GRB10: variants seen among roughly 807,000 people sequenced by gnomAD.
GRB10 encodes growth factor receptor bound protein 10, also known as growth factor receptor-bound protein 10.
Under a neutral mutation model 80.9 loss-of-function variants are expected in GRB10, and 20 were observed. The ratio of observed to expected loss-of-function variants is 0.25; its 90% CI spans 0.17 to 0.36. The LOEUF is 0.36. Among genes scored for constraint, GRB10 ranks in the 10% least tolerant of loss-of-function variants. The probability of loss-of-function intolerance (pLI) is 1.00; values close to 1 mark genes in which losing one functional copy is unlikely to be tolerated. For missense variants in GRB10, 548 were observed against 747.7 expected, an observed-to-expected ratio of 0.73 and a Z score of 3.12; for synonymous variants, 291 against 291.5, an observed-to-expected ratio of 1.00 and a Z score of 0.02.
chr7:50,773,527 G>T (rs1252201551), intron 2 of GRB10, among the ~76,000 whole-genome samples: 3 of 148,566 alleles, frequency 2.0e-5, no homozygotes, highest in Non-Finnish European at 4.5e-5. Context: ...GGAGAGGAGA[G>T]GACAGGAAAC....
At chr7:50,740,751 C>A (rs1470652907) in intron 3 of GRB10, among the ~76,000 whole-genome samples, 2 of 150,824 alleles carry the variant, frequency 1.3e-5, no homozygotes, top group East Asian at 3.9e-4. Context: ...CAATTTGCAA[C>A]AGAAGAGAGA....
upstream of GRB10, among the ~76,000 whole-genome samples, chr7:50,787,784 C>T (rs2078755406): frequency 6.6e-6 from 1 of 152,236 alleles, no homozygotes. Flanking sequence ...CTGTGAGATG[C>T]ACGTGATTTT....
chr7:50,666,815 C>T (rs938468069), intron 7 of GRB10, among the ~76,000 whole-genome samples: 3 of 151,908 alleles, frequency 2.0e-5, no homozygotes, highest in East Asian at 1.9e-4. Context: ...CCGAGGTGGG[C>T]GGATCACAAG....
chr7:50,645,770 AGAT>A (rs1489624726), intron 7 of GRB10: 2 of 283,140 alleles, frequency 7.1e-6, no homozygotes, highest in Non-Finnish European at 1.1e-5. Context: ...TCAAAGTGAT[AGAT>A]TGCCTGGACA....
At chr7:50,730,075 A>T (rs1587598714) in intron 4 of GRB10, among the ~76,000 whole-genome samples, 1 of 152,178 alleles carries the variant, frequency 6.6e-6, no homozygotes, top group African/African-American at 2.4e-5. Context: ...TCGGTATGGA[A>T]ACTGCGGTAG....
chr7:50,649,173 TC>T (rs2057667450), intron 7 of GRB10, among the ~76,000 whole-genome samples: 1 of 151,986 alleles, frequency 6.6e-6, no homozygotes, highest in African/African-American at 2.4e-5. Flanking sequence ...AGAGACCCTG[TC>T]CCTGTTCTGG....
chr7:50,620,127 C>T (rs911458958), intron 8 of GRB10, among the ~76,000 whole-genome samples: 6 of 152,172 alleles, frequency 3.9e-5, no homozygotes, highest in African/African-American at 1.4e-4. Flanking sequence ...TACGTCCCTT[C>T]CCAGGCACCT....
chr7:50,728,503 T>C (rs2069047775), intron 4 of GRB10, among the ~76,000 whole-genome samples: 1 of 152,072 alleles, frequency 6.6e-6, no homozygotes, highest in African/African-American at 2.4e-5. Flanking sequence ...GATGAGCTGA[T>C]ACAAGGAGGC....
intron 4 of GRB10, chr7:50,710,827 G>C (rs760041347): frequency 6.3e-7 from 1 of 1,592,948 alleles, no homozygotes; most frequent in African/African-American, 1.3e-5. Context: ...TAAAGGGCTT[G>C]CCCAGCAACT....
chr7:50,720,086 C>A (rs978101638), intron 4 of GRB10, among the ~76,000 whole-genome samples: 1 of 152,126 alleles, frequency 6.6e-6, no homozygotes, highest in African/African-American at 2.4e-5. Context: ...TAAAGAAACA[C>A]GGTTTCCTAC....
At chr7:50,657,950 C>A (rs2058813886) in intron 7 of GRB10, among the ~76,000 whole-genome samples, 1 of 151,952 alleles carries the variant, frequency 6.6e-6, no homozygotes, top group African/African-American at 2.4e-5. Flanking sequence ...AGTTAAGAGA[C>A]TGAGGCGAGA....
intron 5 of GRB10, among the ~76,000 whole-genome samples, chr7:50,691,740 AGAT>A (rs1252894821): frequency 2.0e-5 from 3 of 152,256 alleles, no homozygotes; most frequent in Non-Finnish European, 4.4e-5. Flanking sequence ...AAAGGATTAT[AGAT>A]GATTTTTCTC....
intron 2 of GRB10, chr7:50,762,086 G>C (rs977895034): frequency 2.0e-5 from 3 of 151,872 alleles, no homozygotes; most frequent in African/African-American, 4.8e-5. Context: ...CTTTGTAGTA[G>C]TGCAAGAACA....
intron 4 of GRB10, among the ~76,000 whole-genome samples, chr7:50,723,838 C>T (rs1056893082): frequency 6.6e-6 from 1 of 152,190 alleles, no homozygotes; most frequent in African/African-American, 2.4e-5. Context: ...GGAGAAAAGA[C>T]TAGAACAGCT....
At chr7:50,734,222 C>G (rs1354983333) in intron 3 of GRB10, among the ~76,000 whole-genome samples, 1 of 152,178 alleles carries the variant, frequency 6.6e-6, no homozygotes, top group Non-Finnish European at 1.5e-5. Context: ...CAGGCGGCCT[C>G]TGCCTTCCAC....
At chr7:50,750,596 C>A (rs1414242990) in intron 3 of GRB10, among the ~76,000 whole-genome samples, 1 of 152,202 alleles carries the variant, frequency 6.6e-6, no homozygotes, top group Admixed American at 6.5e-5. Context: ...TCCCACAATT[C>A]CAATAACCAA....
intron 4 of GRB10, among the ~76,000 whole-genome samples, chr7:50,721,057 C>A (rs1587460396): frequency 6.6e-6 from 1 of 152,218 alleles, no homozygotes; most frequent in Non-Finnish European, 1.5e-5. Flanking sequence ...AACATGAACA[C>A]CACATACAGT....
At chr7:50,634,989 A>G (rs1376456239) in intron 7 of GRB10, among the ~76,000 whole-genome samples, 1 of 152,260 alleles carries the variant, frequency 6.6e-6, no homozygotes, top group Non-Finnish European at 1.5e-5. Context: ...ACTGAGGCAG[A>G]AAGTCAACAA....
chr7:50,699,455 T>A (rs1029684994), intron 5 of GRB10, among the ~76,000 whole-genome samples: 1 of 152,228 alleles, frequency 6.6e-6, no homozygotes, highest in Admixed American at 6.5e-5. Context: ...TTTGTTATTA[T>A]TTGTTATGTA....
Sources: allele counts gnomAD v4.1 joint callset (sites outside exome capture counted in the v4.1 genomes callset), GRCh38; gene constraint gnomAD v4.1.1; transcripts MANE v1.5; gene names NCBI Gene and HGNC (gene_info 2026-07-23, HGNC 2026-07-21).